The following MST1R variants were observed in gnomAD, a reference collection of about 807,000 sequenced individuals.
MST1R encodes the protein macrophage-stimulating protein receptor.
In MST1R, 99 loss-of-function variants were observed where a neutral mutation model predicts 117.8. That is an observed-to-expected ratio of 0.84 (90% confidence interval 0.71 to 0.99). MST1R has a LOEUF of 0.99. Ranked by LOEUF, MST1R falls within the 50% of genes least tolerant of loss-of-function variation. The pLI is 0.00. For synonymous variants in MST1R, 734 were observed against 765.3 expected, an observed-to-expected ratio of 0.96 and a Z score of 0.68; for missense variants, 1,683 against 1,840.2, an observed-to-expected ratio of 0.91 and a Z score of 1.56.
Position 49,898,141 on chromosome 3 carries a change from T to G in MST1R, c.1790A>C (p.His597Pro). Residue 597 changes from histidine to proline, a missense_variant, in exon 5 of 20, where the codon CAC (histidine) becomes CCC (proline). His to Pro is a moderately conservative substitution (Grantham distance 77). Coordinates refer to ENST00000296474, the MANE Select transcript of MST1R (RefSeq NM_002447.4). ...TCCCTCAGGCACCAGACCAGAAGGG[T>G]GAAGGTAGAAGTTGGAGCCACACAG... Reference protein sequence around the residue: ...LTLCGSNFYLHPSGLVPEGTH... With the variant: ...LTLCGSNFYLPPSGLVPEGTH... The G allele has an allele frequency of 1.2e-6, 2 of 1,613,718 alleles. No individual in the cohort carries two copies. The highest frequency in any genetic ancestry group is 1.7e-6 in the Non-Finnish European group (2 of 1,179,928).
rs775857732 is a variant in MST1R at position 49,891,412 on chromosome 3, C to T, written c.3521G>A (p.Arg1174His). 39 of 1,613,842 alleles carry T rather than the reference C, an allele frequency of 2.4e-5. No individual in the cohort carries two copies. Among genetic ancestry groups the T allele is most frequent in the Middle Eastern group, 1.6e-4 (1 of 6,084 alleles). Residue 1174 changes from arginine to histidine, a missense_variant, in exon 16 of 20, where the codon CGC (arginine) becomes CAC (histidine). Arg to His is a conservative substitution (Grantham distance 29). Coordinates refer to ENST00000296474, the MANE Select transcript of MST1R (RefSeq NM_002447.4). Reference sequence around the variant, plus strand: ...ATGAACACTGACCCGCTGAGGTGAGCGGATGAACTGGAGCAGGTCACCGTG... The same window carrying T: ...ATGAACACTGACCCGCTGAGGTGAGTGGATGAACTGGAGCAGGTCACCGTG... The part of the protein sequence containing the change: ...MCHGDLLQFI[R>H]SPQRNPTVKD...
At chr3:49,896,461 G>A (rs1350295565) in intron 9 of MST1R, 57 bp from the exon 10 acceptor site, 26 of 1,606,298 alleles carry the variant, frequency 1.6e-5, no homozygotes, top group Non-Finnish European at 2.1e-5. Flanking sequence ...ATTGCTCCTC[G>A]CCTCAGCCCA....
At chr3:49,894,729 G>A (rs1016278574) in intron 14 of MST1R, among the ~76,000 whole-genome samples, 1 of 152,026 alleles carries the variant, frequency 6.6e-6, no homozygotes, top group Non-Finnish European at 1.5e-5. Context: ...GGCTCAGAGA[G>A]GTTAAGTGGT....
In MST1R at chr3:49,903,733, C is replaced by G; in HGVS notation, c.-124G>C. 7.5e-7 allele frequency: 1 copy of G among 1,326,490 alleles called. No individual in the cohort carries two copies. The highest frequency in any genetic ancestry group is 1.0e-6 in the Non-Finnish European group (1 of 996,252). 82.2% of individuals were successfully genotyped at this position (1,326,490 alleles called of 1,614,324 possible). On this transcript the variant is annotated 5_prime_UTR_variant, in exon 1 of 20. Transcript: ENST00000296474. ...ATTTAAGCAGCGGTCCCGACAGCCC[C>G]AAGATAGCGGACCCCCGCCCCAGGT... is the stretch of plus-strand genomic sequence containing the variant.
rs373080529 is a variant in MST1R at position 49,895,504 on chromosome 3, C to T, written c.3007G>A (p.Ala1003Thr). Residue 1003 changes from alanine to threonine, a missense_variant, in exon 13 of 20, where the codon GCT (alanine) becomes ACT (threonine). Coordinates refer to ENST00000296474, the MANE Select transcript of MST1R (RefSeq NM_002447.4). ...LNDLASLDQT[A>T]GATPLPILYS... ...AGAATAGGCAGGGGTGTGGCTCCAG[C>T]AGTCTGGTCCAGGGATGCCAGGTCA... 1.9e-6 allele frequency: 3 copies of T among 1,614,034 alleles called. No homozygotes were observed. The highest frequency in any genetic ancestry group is 2.5e-6 in the Non-Finnish European group (3 of 1,180,042).
Position 49,902,693 on chromosome 3 carries a change from C to G in MST1R, c.917G>C (p.Arg306Pro), listed in dbSNP as rs200046052. 125 of 1,613,350 alleles carry G rather than the reference C, an allele frequency of 7.7e-5. No homozygotes were observed. The highest frequency in any genetic ancestry group is 1.4e-5 in the Non-Finnish European group (16 of 1,180,030). Residue 306 changes from arginine to proline, a missense_variant, in exon 1 of 20, where the codon CGC (arginine) becomes CCC (proline). Transcript: ENST00000296474. ...GCCTTCTGGGGCCCCCCGGCGCCTG[C>G]GTTTTGGAGCAAATCTGCAGTCGAG... is the stretch of plus-strand genomic sequence containing the variant. ...LVLDCRFAPK[R>P]RRRGAPEGGQ...
intron 14 of MST1R, among the ~76,000 whole-genome samples, chr3:49,894,193 C>A (rs1214307392): frequency 6.8e-6 from 1 of 148,042 alleles, no homozygotes; most frequent in Admixed American, 6.7e-5. Flanking sequence ...CCAGCCTGGG[C>A]AACAAGAGTG....
At chr3:49,891,733 C>A (rs371155951) in intron 15 of MST1R, 25 bp downstream of exon 15, 1 of 1,613,302 alleles carries the variant, frequency 6.2e-7, no homozygotes, top group African/African-American at 1.3e-5. Flanking sequence ...CCTCCCTCTG[C>A]CTTCCCATCT....
At chr3:49,893,534 G>A (rs1249519856) in intron 14 of MST1R, among the ~76,000 whole-genome samples, 1 of 151,510 alleles carries the variant, frequency 6.6e-6, no homozygotes, top group Non-Finnish European at 1.5e-5. Context: ...AACCTGGGAG[G>A]GGGAGGTTGC....
Position 49,896,650 on chromosome 3 carries a change from G to T in MST1R, c.2346-17C>A. ...TGGGAGTTGCTGTGGAAGAGGGTAG[G>T]GTGGTAGGCTTTGGGTGTTCTCCAA... On this transcript the variant is annotated splice_polypyrimidine_tract_variant and intron_variant, in intron 8 of 19. Coordinates refer to ENST00000296474, the MANE Select transcript of MST1R (RefSeq NM_002447.4). 6.2e-7 allele frequency: 1 copy of T among 1,613,738 alleles called. No individual in the cohort carries two copies.
chr3:49,891,670 G>C, intron 15 of MST1R, 88 bp downstream of exon 15: 1 of 1,608,072 alleles, frequency 6.2e-7, no homozygotes, highest in Non-Finnish European at 8.5e-7. Flanking sequence ...CCTGCTCAGG[G>C]TCACTCAGTA....
Position 49,898,038 on chromosome 3 carries a change from G to A in MST1R, c.1880+13C>T. On this transcript the variant is annotated intron_variant, in intron 5 of 19. Coordinates refer to ENST00000296474, the MANE Select transcript of MST1R (RefSeq NM_002447.4). ...CCCCTTCAGGGAAAGGGAGGGGAGG[G>A]ACCAGATTGTACCTGAGTTTTGAGC... 6.2e-7 allele frequency: 1 copy of A among 1,614,060 alleles called. No individual in the cohort carries two copies. Among genetic ancestry groups the A allele is most frequent in the Non-Finnish European group, 8.5e-7 (1 of 1,180,024 alleles).
rs35986685 is a variant in MST1R at position 49,898,093 on chromosome 3, T to G, written c.1838A>C (p.Gln613Pro). ...PEGTHQVTVGQSPCRPLPKDS... is the reference protein window; with the variant it reads ...PEGTHQVTVGPSPCRPLPKDS... ...CTTGGGCAGTGGCCGGCAGGGACTT[T>G]GGCCCACAGTGACCTGATGGGTTCC... is the stretch of plus-strand genomic sequence containing the variant. The change falls in exon 5 of 20, where the codon CAA becomes CCA. Residue 613 changes from glutamine to proline, a missense_variant. Gln to Pro is a moderately conservative substitution (Grantham distance 76, BLOSUM62 -1). Transcript: ENST00000296474. 17,809 of 1,614,098 alleles carry G rather than the reference T, an allele frequency of 0.011. 230 individuals are homozygous for G. The highest frequency in any genetic ancestry group is 0.047 in the South Asian group (4,295 of 91,084).
rs1369551252 is a variant in MST1R, at chr3:49,896,276, G to A, written c.2568C>T (p.Gly856=). ...GATGGGGTGGGGGTAGGAAGCGAAA[G>A]CCAGGCAGTGTAAAGCCAGCAGCTC... ...GDGAAGFTLP[G]FRFLPPPHPP... The change falls in exon 10 of 20, where the codon GGC becomes GGT. Residue 856 remains glycine, a synonymous_variant. Coordinates refer to ENST00000296474, the MANE Select transcript of MST1R (RefSeq NM_002447.4). 4 of 1,614,058 alleles carry A rather than the reference G, an allele frequency of 2.5e-6. No homozygotes were observed. In the African/African-American group the frequency reaches 5.3e-5, roughly 22 times the overall value.
intron 5 of MST1R, 161 bp downstream of exon 5, chr3:49,897,889 CA>C: frequency 1.7e-6 from 2 of 1,172,250 alleles, no homozygotes; most frequent in Non-Finnish European, 1.2e-6. Context: ...CATGAAAGCT[CA>C]AAAAGGGACA....
rs2108458782 is a variant in MST1R at position 49,897,567 on chromosome 3, G to A, written c.1999C>T (p.His667Tyr). 3 of 1,614,124 alleles carry A rather than the reference G, an allele frequency of 1.9e-6. No individual in the cohort carries two copies. The highest frequency in any genetic ancestry group is 2.5e-6 in the Non-Finnish European group (3 of 1,180,036). Residue 667 changes from histidine to tyrosine, a missense_variant, in exon 6 of 20, where the codon CAC becomes TAC. Transcript: ENST00000296474. ...ACGGAGGTGCCGTCTACCCGGAAGT[G>A]CTTGCCCGGTGGCATGTTAGTCACG... ...LTVTNMPPGKHFRVDGTSVLR... is the reference protein window; with the variant it reads ...LTVTNMPPGKYFRVDGTSVLR...
At position 49,889,391 on chromosome 3, in the gene MST1R, T is replaced by C. The variant is rs2082248958; in HGVS notation, c.3947+533A>G. On this transcript the variant is annotated intron_variant, in intron 19 of 19. Coordinates refer to ENST00000296474, the MANE Select transcript of MST1R (RefSeq NM_002447.4). ...TACTTTTACCTATGTCCTGGTTCTC[T>C]CTGTTCTAACCCAGCAGACCTAGCC... is the stretch of plus-strand genomic sequence containing the variant. Among the ~76,000 whole-genome samples the C allele has an allele frequency of 2.0e-5, 3 of 152,146 alleles. 1 individual carries two copies. The highest frequency in any genetic ancestry group is 4.1e-4 in the South Asian group (2 of 4,824).
Position 49,896,725 on chromosome 3 carries a change from T to G in MST1R, c.2345+4A>C. ...GCCAGAGTGGGCAAAGAGGCAGTGC[T>G]TACATGTAGCCACAGTTGGGGCTGA... On this transcript the variant is annotated splice_donor_region_variant and intron_variant, in intron 8 of 19. Transcript: ENST00000296474. 6.3e-7 allele frequency: 1 copy of G among 1,599,360 alleles called. No individual in the cohort carries two copies.
chr3:49,892,610 G>T (rs1368895705), intron 14 of MST1R, among the ~76,000 whole-genome samples: 1 of 149,636 alleles, frequency 6.7e-6, no homozygotes, highest in Non-Finnish European at 1.5e-5. Flanking sequence ...AATCGCATAA[G>T]CCCAGGAGTT....
Sources: gnomAD v4.1 joint callset for allele counts (sites outside exome capture counted in the v4.1 genomes callset) on GRCh38, gnomAD v4.1.1 for gene constraint, MANE v1.5 for transcripts, NCBI Gene and HGNC (gene_info 2026-07-23, HGNC 2026-07-21) for gene names.